Variants in ACP6 observed in about 807,000 individuals in gnomAD.
The protein encoded by ACP6 is lysophosphatidic acid phosphatase type 6.
ACP6 carries 48 observed loss-of-function variants against 48.1 expected under a neutral mutation model. The ratio of observed to expected loss-of-function variants is 1.00; its 90% confidence interval spans 0.79 to 1.27. The LOEUF is 1.27. ACP6 is among the 50% of genes most tolerant of loss of function. ACP6 has a pLI of 0.00. For synonymous variants in ACP6, 172 were observed against 204.2 expected, an observed-to-expected ratio of 0.84 and a Z score of 1.34; for missense variants, 485 against 529.1, an observed-to-expected ratio of 0.92 and a Z score of 0.82.
rs12043564 is a variant in ACP6 at position 147,634,111 on chromosome 1, C to T, written c.461-3046G>A. Among the ~76,000 whole-genome samples, 12 of 152,268 alleles carry T rather than the reference C, an allele frequency of 7.9e-5. No homozygotes were observed. In the East Asian group the frequency reaches 2.1e-3, roughly 27 times the overall value. Reference sequence around the variant, plus strand: ...ATTTTGCATTCCCACTAAGAATGTACAAGGGTTCCAATTTCTCTAGATTCT... The same window carrying T: ...ATTTTGCATTCCCACTAAGAATGTATAAGGGTTCCAATTTCTCTAGATTCT... On this transcript the variant is annotated intron_variant, in intron 5 of 5. Transcript: ENST00000609196.
intron 5 of ACP6, among the ~76,000 whole-genome samples, chr1:147,636,416 G>A (rs1208136955): frequency 7.9e-5 from 12 of 152,134 alleles, no homozygotes; most frequent in East Asian, 1.9e-4. Flanking sequence ...CACAGGTAGC[G>A]GTAAGCTTTG....
chr1:147,661,398 C>G (rs587635100), intron 1 of ACP6, among the ~76,000 whole-genome samples: 1 of 151,726 alleles, frequency 6.6e-6, no homozygotes, highest in South Asian at 2.1e-4. Flanking sequence ...ACTATTTTAA[C>G]TATTTGGGAG....
chr1:147,654,141 C>T (rs200278269), intron 6 of ACP6, 53 bp downstream of exon 6: 25 of 1,596,592 alleles, frequency 1.6e-5, no homozygotes, highest in South Asian at 7.9e-5. Flanking sequence ...GTTCTAACTC[C>T]GGAGCCAGCC....
intron 5 of ACP6, among the ~76,000 whole-genome samples, chr1:147,654,530 G>C (rs999688707): frequency 6.6e-6 from 1 of 152,150 alleles, no homozygotes; most frequent in South Asian, 2.1e-4. Context: ...GCAAGTACCA[G>C]GGTTAGGATA....
intron 5 of ACP6, among the ~76,000 whole-genome samples, chr1:147,634,024 C>T (rs1570936722): frequency 1.3e-5 from 2 of 152,282 alleles, no homozygotes; most frequent in Non-Finnish European, 2.9e-5. Context: ...TAAACAATAA[C>T]CCCATTTCTC....
chr1:147,658,882 A>G, intron 4 of ACP6, 78 bp downstream of exon 4: 1 of 1,385,658 alleles, frequency 7.2e-7, no homozygotes, highest in South Asian at 1.3e-5. Context: ...AACAGGCACC[A>G]AGAAAGAGAT....
chr1:147,661,822 T>C (rs890406536), intron 1 of ACP6, among the ~76,000 whole-genome samples: 2 of 152,190 alleles, frequency 1.3e-5, no homozygotes, highest in Admixed American at 6.5e-5. Context: ...CATGGAGATA[T>C]TCAATGCAGA....
At position 147,650,129 on chromosome 1, in the gene ACP6, G is replaced by T. The variant is rs1443502540; in HGVS notation, c.977+14C>A. ...GCCCTTAGCTGCACAAAGCAGAGTT[G>T]CTGTGCCAGGTACCTGATCTTGTCG... On this transcript the variant is annotated intron_variant, in intron 8 of 9. Coordinates refer to ENST00000583509, the MANE Select transcript of ACP6 (RefSeq NM_016361.5). 1.2e-6 allele frequency: 2 copies of T among 1,602,018 alleles called. No individual in the cohort carries two copies. The highest frequency in any genetic ancestry group is 1.7e-6 in the Non-Finnish European group (2 of 1,173,400).
chr1:147,659,654 G>A lies in ACP6; in HGVS notation c.341C>T (p.Thr114Ile). The A allele has an allele frequency of 6.2e-7, 1 of 1,614,188 alleles. No individual in the cohort carries two copies. The highest frequency in any genetic ancestry group is 8.5e-7 in the Non-Finnish European group (1 of 1,180,014). Residue 114 changes from threonine to isoleucine, a missense_variant, in exon 2 of 10, where the codon ACC becomes ATC. Physicochemically the swap from Thr to Ile is moderately conservative, Grantham distance 89. Coordinates refer to ENST00000583509, the MANE Select transcript of ACP6 (RefSeq NM_016361.5). ...CAAGGAAGCATTGCTCACCTTCAGG[G>A]TGGTCTCATGGTATTGAGAGTCGTA... The part of the protein sequence containing the change: ...SPYDSQYHET[T>I]LKGGMFAGQL...
exon 6 of ACP6, chr1:147,630,349 C>G (rs1553207193): frequency 6.6e-6 from 1 of 152,254 alleles, no homozygotes; most frequent in East Asian, 1.9e-4. Context: ...AGGGCAGAAA[C>G]AGCTTACAAA....
intron 1 of ACP6, among the ~76,000 whole-genome samples, chr1:147,669,036 T>C (rs1660943131): frequency 6.6e-6 from 1 of 152,204 alleles, no homozygotes; most frequent in African/African-American, 2.4e-5. Context: ...TCAGGTTGCC[T>C]GTTCCTCTTC....
At chr1:147,654,049 C>T (rs925218302) in intron 6 of ACP6, 145 bp downstream of exon 6, 3 of 1,361,544 alleles carry the variant, frequency 2.2e-6, no homozygotes, top group African/African-American at 2.9e-5. Context: ...CCCTATCCCT[C>T]AGTCCCCACA....
At chr1:147,650,270 G>A in intron 7 of ACP6, 32 bp from the exon 8 acceptor site, 1 of 1,509,524 alleles carries the variant, frequency 6.6e-7, no homozygotes, top group Admixed American at 2.0e-5. Flanking sequence ...TAAGCACCTA[G>A]AGGGCACTCA....
At chr1:147,642,145 T>C (rs782524827), downstream of ACP6, 23 of 152,142 alleles carry the variant, frequency 1.5e-4, no homozygotes, top group African/African-American at 2.4e-5. Flanking sequence ...AGCGAAAGCC[T>C]TGGTGTTTTC....
chr1:147,648,686 AC>A (rs1190516550), intron 8 of ACP6, among the ~76,000 whole-genome samples: 1 of 152,028 alleles, frequency 6.6e-6, no homozygotes. Context: ...CAAAGAAGAA[AC>A]TGAGCGTGTG....
Position 147,644,767 on chromosome 1 carries a change from A to C in ACP6, c.*2656T>G, listed in dbSNP as rs1553209264. On this transcript the variant is annotated 3_prime_UTR_variant, in exon 10 of 10. Coordinates refer to ENST00000583509, the MANE Select transcript of ACP6 (RefSeq NM_016361.5). ...GTGAATGGTGGTGTCATTTACCTAG[A>C]TGGGAAAGCCTGTGGAAGGAGTAAG... The C allele has an allele frequency of 6.6e-6, 1 of 152,186 alleles. No homozygotes were observed. Among genetic ancestry groups the C allele is most frequent in the African/African-American group, 2.4e-5 (1 of 41,442 alleles). 9.4% of individuals were successfully genotyped at this position (152,186 alleles called of 1,614,324 possible).
intron 5 of ACP6, among the ~76,000 whole-genome samples, chr1:147,633,935 A>G (rs1416596129): frequency 2.0e-5 from 3 of 152,234 alleles, no homozygotes; most frequent in African/African-American, 7.2e-5. Flanking sequence ...CTTTAAGTAC[A>G]TTCACATTGT....
downstream of ACP6, among the ~76,000 whole-genome samples, chr1:147,641,868 C>T (rs1260152609): frequency 2.6e-5 from 4 of 152,296 alleles, no homozygotes; most frequent in East Asian, 5.8e-4. Flanking sequence ...CAGGCGGAGG[C>T]GGGGCGCTGC....
chr1:147,647,950 C>T (rs1553209761), intron 9 of ACP6: 2 of 499,114 alleles, frequency 4.0e-6, no homozygotes, highest in Non-Finnish European at 7.2e-6. Flanking sequence ...CAAAACAGGT[C>T]TCACAGCCAG....
Sources: allele counts gnomAD v4.1 joint callset (sites outside exome capture counted in the v4.1 genomes callset), GRCh38; gene constraint gnomAD v4.1.1; transcripts MANE v1.5; gene names NCBI Gene and HGNC (gene_info 2026-07-23, HGNC 2026-07-21).